FKBP15: variants seen among roughly 807,000 people sequenced by gnomAD.
The protein encoded by FKBP15 is FK506-binding protein 15.
In FKBP15, 106 loss-of-function variants were observed where a neutral mutation model predicts 158.1. The ratio of observed to expected loss-of-function variants is 0.67; its 90% CI spans 0.57 to 0.79. FKBP15 has a LOEUF of 0.79. FKBP15 is among the 30% of genes least tolerant of loss of function. The pLI is 0.00. For missense variants in FKBP15, 1,287 were observed against 1,479.1 expected (o/e 0.87, Z 2.13); for synonymous variants, 547 against 548.6 (o/e 1.00, Z 0.04).
At position 113,162,706 on chromosome 9, in the gene FKBP15, C is replaced by A. The variant is rs990190225; in HGVS notation, c.*3372G>T. Reference sequence around the variant, plus strand: ...ATATCTACTCCCAGCTTCCTCATTACCAGCTCATTACCAGGATTAACTTGC... The same window carrying A: ...ATATCTACTCCCAGCTTCCTCATTAACAGCTCATTACCAGGATTAACTTGC... On this transcript the variant is annotated 3_prime_UTR_variant, in exon 28 of 28. Transcript: ENST00000238256. The A allele has an allele frequency of 6.4e-7, 1 of 1,568,688 alleles. No individual in the cohort carries two copies. The highest frequency in any genetic ancestry group is 8.7e-7 in the Non-Finnish European group (1 of 1,153,042).
chr9:113,179,020 C>T (rs946565520), intron 19 of FKBP15, among the ~76,000 whole-genome samples: 1 of 151,960 alleles, frequency 6.6e-6, no homozygotes, highest in Admixed American at 6.6e-5. Context: ...TATACCTATA[C>T]CAGTATACTT....
intron 1 of FKBP15, among the ~76,000 whole-genome samples, chr9:113,212,006 C>T (rs1831017126): frequency 6.6e-6 from 1 of 151,920 alleles, no homozygotes; most frequent in African/African-American, 2.4e-5. Context: ...TGACTACTCC[C>T]CCTCCTGCTT....
chr9:113,207,348 A>ATTTTTTTTTTTTTTTTTTTTTTTTT, intron 2 of FKBP15, 52 bp from the exon 3 acceptor site: 1 of 1,393,626 alleles, frequency 7.2e-7, no homozygotes, highest in Non-Finnish European at 1.0e-6. Context: ...CTTTAAACTA[A>ATTTTTTTTTTTTTTTTTTTTTTTTT]TTTTTTTTAA....
rs199842956 is a variant in FKBP15, at chr9:113,180,822, TG to T, written c.1914+1943del. 4.4e-3 allele frequency among the ~76,000 whole-genome samples: 669 copies of T among 152,306 alleles called. 8 individuals are homozygous for T. Among genetic ancestry groups the T allele is most frequent in the African/African-American group, 0.015 (634 of 41,560 alleles). ...TTTTAGCCATTATTCCACGATTTTT[TG>T]TGGTACTATTATATCACAGTGAAAA... On this transcript the variant is annotated intron_variant, in intron 19 of 27. Coordinates refer to ENST00000238256, the MANE Select transcript of FKBP15 (RefSeq NM_015258.2).
In FKBP15 at chr9:113,202,644, A is replaced by T. The variant is rs1230418298; in HGVS notation, c.400-15T>A. 1 of 1,540,440 alleles carries T rather than the reference A, an allele frequency of 6.5e-7. No individual in the cohort carries two copies. Among genetic ancestry groups the T allele is most frequent in the Non-Finnish European group, 8.8e-7 (1 of 1,134,734 alleles). ...TTGGGCCGAACCTGGAGAAAGGAGA[A>T]ATGTTAAATTCATCCACAAGCAGTA... is the stretch of plus-strand genomic sequence containing the variant. On this transcript the variant is annotated splice_polypyrimidine_tract_variant and intron_variant, in intron 5 of 27. Coordinates refer to ENST00000238256, the MANE Select transcript of FKBP15 (RefSeq NM_015258.2).
chr9:113,187,457 C>A, intron 14 of FKBP15: 1 of 230,826 alleles, frequency 4.3e-6, no homozygotes, highest in South Asian at 5.4e-5. Flanking sequence ...GAATGTTAGC[C>A]TGCCAACTTT....
intron 8 of FKBP15, among the ~76,000 whole-genome samples, chr9:113,197,894 A>G (rs1022817767): frequency 6.6e-6 from 1 of 152,210 alleles, no homozygotes; most frequent in Non-Finnish European, 1.5e-5. Flanking sequence ...ATCATGACTT[A>G]ACTGCTAAGA....
At position 113,162,752 on chromosome 9, in the gene FKBP15, G is replaced by GTATT. The variant is rs1554713029; in HGVS notation, c.*3322_*3325dup. ...CTTGCTTCTCCTTTTTATCTAGGTG[G>GTATT]TATTTGTGTCACTTTGGCCAGTCTC... On this transcript the variant is annotated 3_prime_UTR_variant, in exon 28 of 28. Coordinates refer to ENST00000238256, the MANE Select transcript of FKBP15 (RefSeq NM_015258.2). 3 of 1,611,026 alleles carry GTATT rather than the reference G, an allele frequency of 1.9e-6. No homozygotes were observed. The highest frequency in any genetic ancestry group is 1.7e-6 in the Non-Finnish European group (2 of 1,178,442).
At chr9:113,204,941 GTTAT>G (rs71491077) in intron 4 of FKBP15, among the ~76,000 whole-genome samples, 46,695 of 151,638 alleles carry the variant, frequency 0.31, 7,239 homozygotes, top group East Asian at 0.34. Context: ...CAATATCTAG[GTTAT>G]TTGTGAGTCT....
intron 21 of FKBP15, among the ~76,000 whole-genome samples, chr9:113,175,889 A>C (rs903174679): frequency 1.3e-5 from 2 of 152,210 alleles, no homozygotes; most frequent in African/African-American, 4.8e-5. Context: ...GAATGTGACA[A>C]ATGGGCTCAC....
chr9:113,208,680 AT>A (rs749995730), intron 2 of FKBP15, among the ~76,000 whole-genome samples: 8 of 152,132 alleles, frequency 5.3e-5, no homozygotes, highest in Non-Finnish European at 1.2e-4. Context: ...GTAAAGGAGT[AT>A]AAAAAATTTA....
At chr9:113,179,831 G>T (rs1176148806) in intron 19 of FKBP15, among the ~76,000 whole-genome samples, 1 of 151,998 alleles carries the variant, frequency 6.6e-6, no homozygotes, top group African/African-American at 2.4e-5. Flanking sequence ...GTATCTGAGA[G>T]TATATGTAAC....
intron 15 of FKBP15, among the ~76,000 whole-genome samples, chr9:113,185,145 G>A (rs1468722793): frequency 6.6e-6 from 1 of 152,200 alleles, no homozygotes; most frequent in South Asian, 2.1e-4. Flanking sequence ...CCAGGTACCA[G>A]GAATACAGCA....
Position 113,174,556 on chromosome 9 carries a change from CT to C in FKBP15, c.2250del (p.Ala751LeufsTer11). On this transcript the variant is annotated frameshift_variant, in exon 22 of 28. Coordinates refer to ENST00000238256, the MANE Select transcript of FKBP15 (RefSeq NM_015258.2). LOFTEE classifies it high-confidence loss of function. ...TCCTCGGCCTGAGAACGCTCTTGAG[CT>C]GACTTCTTTTTCCTTTCTGAGAGGT... ...EKNLSERKKK[S>X]AQERSQAEEE... 1 of 1,613,956 alleles carries C rather than the reference CT, an allele frequency of 6.2e-7. No individual in the cohort carries two copies. The highest frequency in any genetic ancestry group is 1.7e-5 in the Admixed American group (1 of 60,020).
chr9:113,163,515 T>C lies in FKBP15; in HGVS notation c.*2563A>G, dbSNP rs1830050362. 1 of 152,684 alleles carries C rather than the reference T, an allele frequency of 6.5e-6. No individual in the cohort carries two copies. The highest frequency in any genetic ancestry group is 6.5e-5 in the Admixed American group (1 of 15,286). 9.5% of individuals were successfully genotyped at this position (152,684 alleles called of 1,614,324 possible). A position where few individuals can be genotyped will look rare whatever the true frequency, so the allele number is the denominator to read the frequency against. ...AACTCCTAGTTGGCAATTTTGCACA[T>C]TCATACAAAAAAATTTTTAATGAAA... On this transcript the variant is annotated 3_prime_UTR_variant, in exon 28 of 28. Transcript: ENST00000238256.
Position 113,198,799 on chromosome 9 carries a change from TA to T in FKBP15, c.717+55del, listed in dbSNP as rs2118920503. The T allele has an allele frequency of 8.8e-7, 1 of 1,135,678 alleles. No individual in the cohort carries two copies. Among genetic ancestry groups the T allele is most frequent in the Non-Finnish European group, 1.2e-6 (1 of 801,580 alleles). The allele number at this position is 1,135,678 out of a possible 1,614,324, so 70.4% of individuals were successfully genotyped here. A position where few individuals can be genotyped will look rare whatever the true frequency, so the allele number is the denominator to read the frequency against. On this transcript the variant is annotated intron_variant, in intron 8 of 27. Coordinates refer to ENST00000238256, the MANE Select transcript of FKBP15 (RefSeq NM_015258.2). This position sits in a 1 kb window ranked among gnomAD's most constrained non-coding sequence, Gnocchi z 5.2. Reference sequence around the variant, plus strand: ...AAAAGGAATTCCACAAAATTTAATCTAAGTTAAACCCACTGCAACTGATAAA... The same window carrying T: ...AAAAGGAATTCCACAAAATTTAATCTAGTTAAACCCACTGCAACTGATAAA...
At chr9:113,174,026 C>T (rs527711494) in intron 22 of FKBP15, among the ~76,000 whole-genome samples, 26 of 152,296 alleles carry the variant, frequency 1.7e-4, no homozygotes, top group African/African-American at 5.8e-4. Flanking sequence ...TGCTGTTGCA[C>T]AGACTAGAGA....
rs186825973 is a variant in FKBP15 at position 113,197,540 on chromosome 9, G to A, written c.718-462C>T. Among the ~76,000 whole-genome samples the A allele has an allele frequency of 2.4e-3, 361 of 152,202 alleles. 3 individuals carry two copies. The highest frequency in any genetic ancestry group is 5.3e-3 in the Admixed American group (81 of 15,282). ...AAAAATTAGCCAGATGTGGTGGTGC[G>A]CTCCTGTAGTCCCAGCTACTCGGGA... On this transcript the variant is annotated intron_variant, in intron 8 of 27. Coordinates refer to ENST00000238256, the MANE Select transcript of FKBP15 (RefSeq NM_015258.2).
chr9:113,211,153 T>A (rs186027990), intron 2 of FKBP15, among the ~76,000 whole-genome samples: 1 of 149,828 alleles, frequency 6.7e-6, no homozygotes, highest in African/African-American at 2.4e-5. Flanking sequence ...AATACACTCT[T>A]GTTTTTATTT....
Sources: allele counts gnomAD v4.1 joint callset (sites outside exome capture counted in the v4.1 genomes callset), GRCh38; gene constraint gnomAD v4.1.1; non-coding constraint Gnocchi (gnomAD v3.1); transcripts MANE v1.5; gene names NCBI Gene and HGNC (gene_info 2026-07-23, HGNC 2026-07-21).